The following SLC49A4 variants were observed in gnomAD, a reference collection of about 807,000 sequenced individuals.
SLC49A4 encodes disrupted in renal cancer protein 2.
Under a neutral mutation model 50.6 loss-of-function variants are expected in SLC49A4, and 36 were observed. The observed-to-expected ratio is 0.71, with a 90% CI of 0.55 to 0.94. The LOEUF is 0.94. SLC49A4 is among the 40% of genes least tolerant of loss of function. SLC49A4 has a pLI of 0.00. For missense variants in SLC49A4, 503 were observed against 605.7 expected, an observed-to-expected ratio of 0.83 and a Z score of 1.78; for synonymous variants, 248 against 241.2, an observed-to-expected ratio of 1.03 and a Z score of -0.26.
At chr3:122,805,179 A>G (rs1381348143) in intron 1 of SLC49A4, among the ~76,000 whole-genome samples, 2 of 152,154 alleles carry the variant, frequency 1.3e-5, no homozygotes, top group South Asian at 2.1e-4. Context: ...CTGTGGCTAT[A>G]ATGTGATTTT....
chr3:122,837,656 G>A (rs1257842117), intron 4 of SLC49A4, among the ~76,000 whole-genome samples: 1 of 152,176 alleles, frequency 6.6e-6, no homozygotes, highest in African/African-American at 2.4e-5. Flanking sequence ...CATGGGCAAG[G>A]ACTTCATGTC....
At chr3:122,831,512 C>T (rs1283526637) in intron 3 of SLC49A4, among the ~76,000 whole-genome samples, 1 of 152,074 alleles carries the variant, frequency 6.6e-6, no homozygotes, top group East Asian at 1.9e-4. Flanking sequence ...AGAAGCCAGT[C>T]ATAAAAGACC....
intron 2 of SLC49A4, among the ~76,000 whole-genome samples, chr3:122,810,362 AT>A (rs1368834314): frequency 6.6e-6 from 1 of 152,146 alleles, no homozygotes; most frequent in Non-Finnish European, 1.5e-5. Flanking sequence ...ATTATAAAGC[AT>A]TTTTTCTTCT....
chr3:122,812,075 C>T (rs1339790166), intron 2 of SLC49A4, among the ~76,000 whole-genome samples: 1 of 152,162 alleles, frequency 6.6e-6, no homozygotes, highest in Non-Finnish European at 1.5e-5. Flanking sequence ...CCTGCCTCAG[C>T]CTCCCATGTA....
intron 5 of SLC49A4, among the ~76,000 whole-genome samples, chr3:122,855,764 G>C (rs1046624352): frequency 6.6e-6 from 1 of 152,288 alleles, no homozygotes; most frequent in East Asian, 1.9e-4. Flanking sequence ...CATTTTACAG[G>C]TAAAAAGGCA....
At chr3:122,814,372 A>G (rs938481330) in intron 2 of SLC49A4, among the ~76,000 whole-genome samples, 2 of 152,262 alleles carry the variant, frequency 1.3e-5, no homozygotes, top group Admixed American at 6.5e-5. Flanking sequence ...TTTATGCTTC[A>G]AAACAGATTA....
chr3:122,834,185 C>T (rs1417019549), intron 4 of SLC49A4, among the ~76,000 whole-genome samples: 1 of 152,094 alleles, frequency 6.6e-6, no homozygotes, highest in Non-Finnish European at 1.5e-5. Flanking sequence ...TTGGTTCTTT[C>T]TTTTCTTGGG....
At chr3:122,812,395 G>A (rs1936311285) in intron 2 of SLC49A4, among the ~76,000 whole-genome samples, 1 of 152,210 alleles carries the variant, frequency 6.6e-6, no homozygotes, top group African/African-American at 2.4e-5. Flanking sequence ...ATGTAAAAAT[G>A]AGCAATTGGT....
chr3:122,847,892 G>A (rs898009778), intron 5 of SLC49A4, among the ~76,000 whole-genome samples: 3 of 152,176 alleles, frequency 2.0e-5, no homozygotes, highest in African/African-American at 4.8e-5. Flanking sequence ...TTGTACAACT[G>A]TGTCATCCTG....
intron 1 of SLC49A4, among the ~76,000 whole-genome samples, chr3:122,796,642 T>C (rs996015559): frequency 6.6e-6 from 1 of 152,232 alleles, no homozygotes; most frequent in Non-Finnish European, 1.5e-5. Context: ...AGTAATCCTA[T>C]TCACATGGGT....
chr3:122,802,248 A>G (rs1472725905), intron 1 of SLC49A4, among the ~76,000 whole-genome samples: 5 of 152,218 alleles, frequency 3.3e-5, no homozygotes, highest in Non-Finnish European at 4.4e-5. Context: ...AGTGATCCCT[A>G]TGACTGCTTC....
chr3:122,851,523 C>T (rs150150941), intron 5 of SLC49A4, among the ~76,000 whole-genome samples: 1 of 152,082 alleles, frequency 6.6e-6, no homozygotes, highest in Non-Finnish European at 1.5e-5. Flanking sequence ...GAAGTTAGCT[C>T]TCAAATTTAA....
chr3:122,880,370 G>A lies in SLC49A4; in HGVS notation c.*992G>A, dbSNP rs981073110. Reference sequence around the variant, plus strand: ...TTCAGCTTAGGTTGTAAAATACTCCGTTCTCTGTGGAGTCAGCATATTTGA... The same window carrying A: ...TTCAGCTTAGGTTGTAAAATACTCCATTCTCTGTGGAGTCAGCATATTTGA... On this transcript the variant is annotated 3_prime_UTR_variant, in exon 9 of 9. Coordinates refer to ENST00000261038, the MANE Select transcript of SLC49A4 (RefSeq NM_032839.3). 9.2e-5 allele frequency: 14 copies of A among 152,216 alleles called. No individual in the cohort carries two copies. The highest frequency in any genetic ancestry group is 2.4e-4 in the African/African-American group (10 of 41,390). The allele number at this position is 152,216 out of a possible 1,614,324, so 9.4% of individuals were successfully genotyped here.
chr3:122,840,379 T>C (rs1308261960), intron 4 of SLC49A4, among the ~76,000 whole-genome samples: 1 of 152,210 alleles, frequency 6.6e-6, no homozygotes, highest in East Asian at 1.9e-4. Flanking sequence ...CCAAAAGCTA[T>C]TGAAATTTTT....
intron 1 of SLC49A4, among the ~76,000 whole-genome samples, chr3:122,798,595 GTTCT>G (rs1936084860): frequency 7.2e-6 from 1 of 138,668 alleles, no homozygotes; most frequent in East Asian, 2.2e-4. Context: ...TAGAAAGCAG[GTTCT>G]TTCTTGCTTC....
At chr3:122,832,048 A>G (rs1214082543) in intron 3 of SLC49A4, among the ~76,000 whole-genome samples, 1 of 152,138 alleles carries the variant, frequency 6.6e-6, no homozygotes, top group East Asian at 1.9e-4. Flanking sequence ...TTCTAACTGA[A>G]TTAAACAGAA....
intron 1 of SLC49A4, among the ~76,000 whole-genome samples, chr3:122,801,383 G>A (rs953278639): frequency 1.3e-5 from 2 of 152,070 alleles, no homozygotes; most frequent in African/African-American, 4.8e-5. Context: ...CTGAGGTCAG[G>A]AATTCAAGAC....
intron 3 of SLC49A4, among the ~76,000 whole-genome samples, chr3:122,830,945 C>T (rs914339536): frequency 3.9e-5 from 6 of 152,020 alleles, no homozygotes; most frequent in Admixed American, 1.3e-4. Flanking sequence ...AGAAAGACAA[C>T]GCCATTAAGA....
At position 122,845,890 on chromosome 3, in the gene SLC49A4, T is replaced by C; in HGVS notation, c.942+19T>C. 6.5e-7 allele frequency: 1 copy of C among 1,543,508 alleles called. No homozygotes were observed. Among genetic ancestry groups the C allele is most frequent in the South Asian group, 1.2e-5 (1 of 84,892 alleles). On this transcript the variant is annotated intron_variant, in intron 5 of 8. Transcript: ENST00000261038. ...CAGCCAAGTAAGTATTTTATTTCTT[T>C]ATATGTTGTAGGTATTTTTGTTCAT...
Sources: allele counts gnomAD v4.1 joint callset (sites outside exome capture counted in the v4.1 genomes callset), GRCh38; gene constraint gnomAD v4.1.1; transcripts MANE v1.5; gene names NCBI Gene and HGNC (gene_info 2026-07-23, HGNC 2026-07-21).